The following TTC21B variants were observed in gnomAD, a reference collection of about 807,000 sequenced individuals.
TTC21B encodes the protein tetratricopeptide repeat domain 21B, also known as tetratricopeptide repeat protein 21B.
A neutral mutation model predicts 175.1 loss-of-function variants in TTC21B; 127 were observed. The ratio of observed to expected loss-of-function variants is 0.73; its 90% CI spans 0.63 to 0.84. TTC21B has a LOEUF of 0.84. Among genes scored for constraint, TTC21B ranks in the 40% least tolerant of loss-of-function variants. The pLI is 0.00. For missense variants in TTC21B, 1,561 were observed against 1,558.3 expected, an observed-to-expected ratio of 1.00 and a Z score of -0.03; for synonymous variants, 524 against 524.5, an observed-to-expected ratio of 1.00 and a Z score of 0.01.
intron 17 of TTC21B, among the ~76,000 whole-genome samples, chr2:165,911,967 C>T (rs1685964797): frequency 6.6e-6 from 1 of 151,992 alleles, no homozygotes; most frequent in South Asian, 2.1e-4. Context: ...ACCTGGCCAA[C>T]AACTAACATT....
At chr2:165,911,748 T>C (rs954899351) in intron 17 of TTC21B, among the ~76,000 whole-genome samples, 4 of 151,856 alleles carry the variant, frequency 2.6e-5, no homozygotes, top group African/African-American at 7.3e-5. Flanking sequence ...CTGCAACCTC[T>C]GCCTTCCAAG....
chr2:165,952,004 CT>C (rs1687775624), intron 1 of TTC21B, among the ~76,000 whole-genome samples: 2 of 152,180 alleles, frequency 1.3e-5, no homozygotes, highest in African/African-American at 2.4e-5. Context: ...CGTACACGCT[CT>C]TCCTATTTCC....
At chr2:165,911,586 A>C in intron 17 of TTC21B, 121 bp from the exon 18 acceptor site, 3 of 1,130,658 alleles carry the variant, frequency 2.7e-6, no homozygotes, top group Non-Finnish European at 4.0e-6. Context: ...GAAGAATTGT[A>C]GGCATACACC....
chr2:165,940,465 TACTC>T (rs1055705168), intron 6 of TTC21B, among the ~76,000 whole-genome samples: 15 of 152,222 alleles, frequency 9.9e-5, no homozygotes, highest in African/African-American at 3.6e-4. Flanking sequence ...CCTCACACCT[TACTC>T]ACCTCTCTTA....
Position 165,912,486 on chromosome 2 carries a change from G to T in TTC21B, c.2322+28C>A, listed in dbSNP as rs772645187. Reference sequence around the variant, plus strand: ...AGGGTATGATAAATTTGATGCAACAGACATATTTCAAACAATAAAGTACTT... The same window carrying T: ...AGGGTATGATAAATTTGATGCAACATACATATTTCAAACAATAAAGTACTT... On this transcript the variant is annotated intron_variant, in intron 17 of 28. Transcript: ENST00000243344. The T allele has an allele frequency of 2.0e-5, 31 of 1,542,166 alleles. No homozygotes were observed. In the Admixed American group the frequency reaches 3.7e-4, roughly 18 times the overall value.
At chr2:165,893,942 A>G (rs1425062495) in intron 22 of TTC21B, among the ~76,000 whole-genome samples, 1 of 152,194 alleles carries the variant, frequency 6.6e-6, no homozygotes, top group Non-Finnish European at 1.5e-5. Flanking sequence ...TATTATTATT[A>G]AAATAATGCT....
At position 165,953,619 on chromosome 2, in the gene TTC21B, GC is replaced by G. The variant is rs1249634127; in HGVS notation, c.21+65del. 15 of 1,537,938 alleles carry G rather than the reference GC, an allele frequency of 9.8e-6. No individual in the cohort carries two copies. In the East Asian group the frequency reaches 3.2e-4, roughly 33 times the overall value. ...ACCCGAGCTCCCTCCGCGCCCCCGGGCCAAAAGGCCGCAAAGGAACTCCGCC... is the reference window on the plus strand; with the variant it reads ...ACCCGAGCTCCCTCCGCGCCCCCGGGCAAAAGGCCGCAAAGGAACTCCGCC... On this transcript the variant is annotated intron_variant, in intron 1 of 28. Transcript: ENST00000243344.
chr2:165,919,943 G>C (rs1686325873), intron 12 of TTC21B, among the ~76,000 whole-genome samples: 1 of 152,010 alleles, frequency 6.6e-6, no homozygotes, highest in Admixed American at 6.5e-5. Context: ...AGAAATATGA[G>C]TTATAGATTT....
intron 28 of TTC21B, among the ~76,000 whole-genome samples, chr2:165,875,822 T>G (rs915072771): frequency 9.2e-5 from 14 of 151,896 alleles, no homozygotes; most frequent in Non-Finnish European, 1.6e-4. Context: ...GTCTTTTTTT[T>G]TTTTTAAAGT....
intron 12 of TTC21B, among the ~76,000 whole-genome samples, chr2:165,922,477 C>T (rs1277154130): frequency 6.7e-6 from 1 of 149,542 alleles, no homozygotes; most frequent in Non-Finnish European, 1.5e-5. Flanking sequence ...TTAAAAAATG[C>T]TCAACGTCAC....
chr2:165,934,993 G>C (rs1212637768), intron 6 of TTC21B, among the ~76,000 whole-genome samples: 1 of 152,178 alleles, frequency 6.6e-6, no homozygotes, highest in African/African-American at 2.4e-5. Flanking sequence ...TTCAGAGGTG[G>C]TCAACGTGAA....
rs906032090 is a variant in TTC21B at position 165,907,763 on chromosome 2, A to AT, written c.2482dup (p.Met828AsnfsTer15). The AT allele has an allele frequency of 6.8e-6, 11 of 1,612,136 alleles. No individual in the cohort carries two copies. The highest frequency in any genetic ancestry group is 9.3e-6 in the Non-Finnish European group (11 of 1,178,800). On this transcript the variant is annotated frameshift_variant, in exon 19 of 29. Transcript: ENST00000243344. LOFTEE classifies it high-confidence loss of function. The stretch of plus-strand genomic sequence containing the variant: ...AAGAACTTGACAACGTCCATCCTCC[A>AT]TGAGAGCTGACAGTTCATTTACTAT...
At chr2:165,928,862 G>C (rs926966334) in intron 11 of TTC21B, 3 of 401,822 alleles carry the variant, frequency 7.5e-6, no homozygotes, top group Non-Finnish European at 1.4e-5. Context: ...ATATAAGGTA[G>C]GTGTCTGAAT....
At chr2:165,889,275 T>C (rs1225227634) in intron 24 of TTC21B, among the ~76,000 whole-genome samples, 3 of 152,174 alleles carry the variant, frequency 2.0e-5, no homozygotes, top group African/African-American at 7.2e-5. Flanking sequence ...TCTTCTCCCT[T>C]GGCTTCTGTA....
chr2:165,914,865 A>G lies in TTC21B; in HGVS notation c.2138+336T>C, dbSNP rs377399102. 2.6e-4 allele frequency among the ~76,000 whole-genome samples: 39 copies of G among 152,198 alleles called. No homozygotes were observed. In the South Asian group the frequency reaches 6.6e-3, roughly 26 times the overall value. ...TAATAAATACACCTGCCTATCCCGT[A>G]GATTATTGTTATATTACATGATGCT... On this transcript the variant is annotated intron_variant, in intron 15 of 28. Coordinates refer to ENST00000243344, the MANE Select transcript of TTC21B (RefSeq NM_024753.5).
Position 165,901,702 on chromosome 2 carries a change from A to C in TTC21B, c.2757+20T>G. 1 of 1,607,982 alleles carries C rather than the reference A, an allele frequency of 6.2e-7. No individual in the cohort carries two copies. Among genetic ancestry groups the C allele is most frequent in the Admixed American group, 1.7e-5 (1 of 60,002 alleles). On this transcript the variant is annotated intron_variant, in intron 20 of 28. Transcript: ENST00000243344. ...GACATCTGGAATAAAAGGTATTTAA[A>C]ATTTTATAAAGGTACTGACCTTATT...
rs910204066 is a variant in TTC21B, at chr2:165,874,845, T to C, written c.3874-13A>G. The C allele has an allele frequency of 1.9e-6, 3 of 1,612,044 alleles. No homozygotes were observed. The Admixed American group carries it at 5.0e-5, about 27-fold the overall frequency. ...GTGCTTCAAGAACCTGCAAAACAAA[T>C]AAAGAACCCATAAAAACTTGTAACT... is the stretch of plus-strand genomic sequence containing the variant. On this transcript the variant is annotated splice_polypyrimidine_tract_variant and intron_variant, in intron 28 of 28. Coordinates refer to ENST00000243344, the MANE Select transcript of TTC21B (RefSeq NM_024753.5).
chr2:165,891,070 T>C (rs1299912399), intron 22 of TTC21B, 82 bp from the exon 23 acceptor site: 1 of 1,190,102 alleles, frequency 8.4e-7, no homozygotes, highest in African/African-American at 1.5e-5. Flanking sequence ...CATTAGAGTA[T>C]AATTTACTTC....
chr2:165,932,441 A>C (rs1285304305), intron 7 of TTC21B, among the ~76,000 whole-genome samples: 3 of 152,124 alleles, frequency 2.0e-5, no homozygotes, highest in Non-Finnish European at 4.4e-5. Context: ...TACATGTTAT[A>C]CTAATATTAC....
Sources: allele counts gnomAD v4.1 joint callset (sites outside exome capture counted in the v4.1 genomes callset), GRCh38; gene constraint gnomAD v4.1.1; transcripts MANE v1.5; gene names NCBI Gene and HGNC (gene_info 2026-07-23, HGNC 2026-07-21).